CALN1: variants seen among roughly 807,000 people sequenced by gnomAD.
CALN1 encodes calcium-binding protein 8.
CALN1 carries 17 observed loss-of-function variants against 30.6 expected under a neutral mutation model. The observed-to-expected ratio is 0.56, with a 90% confidence interval of 0.38 to 0.83. The LOEUF (loss-of-function observed/expected upper bound fraction) is 0.83. Among genes scored for constraint, CALN1 ranks in the 40% least tolerant of loss-of-function variants. The pLI is 0.00. For synonymous variants in CALN1, 156 were observed against 131.4 expected (o/e 1.19, Z -1.28); for missense variants, 291 against 354.9 (o/e 0.82, Z 1.45).
intron 2 of CALN1, among the ~76,000 whole-genome samples, chr7:72,294,046 C>T (rs535338209): frequency 1.3e-5 from 2 of 151,964 alleles, no homozygotes; most frequent in South Asian, 2.1e-4. Flanking sequence ...TGTGGTGAGC[C>T]GAGACCACAC....
chr7:72,136,749 A>G (rs970504588), intron 3 of CALN1, among the ~76,000 whole-genome samples: 2 of 152,200 alleles, frequency 1.3e-5, no homozygotes, highest in African/African-American at 2.4e-5. Context: ...AGGCCACTGT[A>G]GCATTACTAA....
chr7:72,487,713 A>AAAAGAAAGAAAGAAAG, the CALN1 span, among the ~76,000 whole-genome samples: 189 of 68,670 alleles, frequency 2.8e-3, 10 homozygotes, highest in African/African-American at 0.011. Flanking sequence ...AAAAGAAAAG[A>AAAAGAAAGAAAGAAAG]AAAGAAAGAA....
intron 2 of CALN1, among the ~76,000 whole-genome samples, chr7:72,385,832 A>G (rs1275883082): frequency 6.6e-6 from 1 of 152,158 alleles, no homozygotes; most frequent in Non-Finnish European, 1.5e-5. Flanking sequence ...TTCACCTTCC[A>G]CCATGACTGT....
chr7:72,342,505 C>A (rs1802431462), intron 2 of CALN1, among the ~76,000 whole-genome samples: 1 of 152,138 alleles, frequency 6.6e-6, no homozygotes, highest in Non-Finnish European at 1.5e-5. Context: ...AGGCTAAACT[C>A]AACATGGAAC....
rs1365954412 is a variant in CALN1, at chr7:71,980,224, T to C, written c.501+43433A>G. Reference sequence around the variant, plus strand: ...TTTTTTGAGACAGAGTCTCACTCTCTTGCCCAGGCTGGAGCACAGTGGTAC... The same window carrying C: ...TTTTTTGAGACAGAGTCTCACTCTCCTGCCCAGGCTGGAGCACAGTGGTAC... On this transcript the variant is annotated intron_variant, in intron 5 of 6. Coordinates refer to ENST00000395275, the MANE Select transcript of CALN1 (RefSeq NM_031468.4). Among the ~76,000 whole-genome samples the C allele has an allele frequency of 2.0e-5, 3 of 149,630 alleles. 1 individual carries two copies. The Admixed American group carries it at 2.0e-4, about 10-fold the overall frequency.
chr7:72,240,959 G>A (rs1245623371), intron 3 of CALN1, among the ~76,000 whole-genome samples: 1 of 152,144 alleles, frequency 6.6e-6, no homozygotes, highest in African/African-American at 2.4e-5. Context: ...CCTTCCTTGA[G>A]TGCTCCCAGC....
chr7:72,487,484 G>T, the CALN1 span, among the ~76,000 whole-genome samples: 1 of 151,740 alleles, frequency 6.6e-6, no homozygotes, highest in African/African-American at 2.4e-5. Flanking sequence ...TCAGGAGTTT[G>T]AGACCAGACT....
At chr7:71,981,093 C>T (rs969370254) in intron 5 of CALN1, among the ~76,000 whole-genome samples, 2 of 152,192 alleles carry the variant, frequency 1.3e-5, no homozygotes, top group Admixed American at 6.5e-5. Flanking sequence ...GGGAATCATT[C>T]ACCGCAGTGC....
chr7:72,447,663 G>T (rs1808569232), upstream of CALN1, among the ~76,000 whole-genome samples: 1 of 151,196 alleles, frequency 6.6e-6, no homozygotes, highest in Admixed American at 6.6e-5. Context: ...ACACACACCT[G>T]CCATGCACAC....
intron 3 of CALN1, among the ~76,000 whole-genome samples, chr7:72,133,093 G>A (rs1859483): frequency 0.99 from 151,302 of 152,296 alleles, 75,161 homozygotes; most frequent in Middle Eastern, 1. Flanking sequence ...CCATGGAAAA[G>A]ATGGTCTTCC....
chr7:71,892,928 C>T (rs1793328194), intron 5 of CALN1, among the ~76,000 whole-genome samples: 1 of 152,076 alleles, frequency 6.6e-6, no homozygotes, highest in Admixed American at 6.6e-5. Flanking sequence ...TCTGCATGTC[C>T]TAGCTTTTAG....
chr7:72,095,906 G>A (rs962985697), intron 4 of CALN1, among the ~76,000 whole-genome samples: 2 of 152,078 alleles, frequency 1.3e-5, no homozygotes, highest in South Asian at 2.1e-4. Flanking sequence ...GCATGGTGAC[G>A]ACGCATGCCT....
intron 2 of CALN1, among the ~76,000 whole-genome samples, chr7:72,372,330 C>CTT (rs1280644766): frequency 6.6e-6 from 1 of 152,066 alleles, no homozygotes; most frequent in African/African-American, 2.4e-5. Flanking sequence ...ACTTCTGTTG[C>CTT]TTTTTCTGTG....
intron 5 of CALN1, among the ~76,000 whole-genome samples, chr7:71,974,093 A>G (rs1345021141): frequency 6.6e-6 from 1 of 152,140 alleles, no homozygotes; most frequent in East Asian, 1.9e-4. Context: ...CAAAATGATG[A>G]TCTTTATTAA....
intron 4 of CALN1, among the ~76,000 whole-genome samples, chr7:72,105,869 G>A (rs1205676302): frequency 7.8e-6 from 1 of 128,484 alleles, no homozygotes; most frequent in Non-Finnish European, 1.6e-5. Flanking sequence ...AGGGGGATGG[G>A]GAGGTGGGAG....
At chr7:72,144,072 G>A (rs1175670147) in intron 3 of CALN1, among the ~76,000 whole-genome samples, 1 of 152,098 alleles carries the variant, frequency 6.6e-6, no homozygotes, top group Admixed American at 6.6e-5. Context: ...ATCAACTAAC[G>A]AGCAAAATAA....
chr7:72,221,536 G>T (rs1435170661), intron 3 of CALN1, among the ~76,000 whole-genome samples: 4 of 152,024 alleles, frequency 2.6e-5, no homozygotes, highest in African/African-American at 9.7e-5. Context: ...GACAAGCAAA[G>T]ATTTGTTTTT....
rs373575015 is a variant in CALN1, at chr7:72,156,610, C to T, written c.245-50316G>A. Among the ~76,000 whole-genome samples, 32 of 152,316 alleles carry T rather than the reference C, an allele frequency of 2.1e-4. No individual in the cohort carries two copies. The East Asian group carries it at 3.3e-3, about 16-fold the overall frequency. On this transcript the variant is annotated intron_variant, in intron 3 of 6. Coordinates refer to ENST00000395275, the MANE Select transcript of CALN1 (RefSeq NM_031468.4). The stretch of plus-strand genomic sequence containing the variant: ...ATGAGTCCCCATGTCACCACCGTAG[C>T]GACCTACAGGCAGAGCTTGGTGCAG...
intron 6 of CALN1, among the ~76,000 whole-genome samples, chr7:71,789,159 G>A (rs568498280): frequency 1.3e-5 from 2 of 152,002 alleles, no homozygotes; most frequent in Non-Finnish European, 2.9e-5. Flanking sequence ...TCTCATGCCT[G>A]TAATCCCAGC....
Sources: gnomAD v4.1 joint callset for allele counts (sites outside exome capture counted in the v4.1 genomes callset) on GRCh38, gnomAD v4.1.1 for gene constraint, MANE v1.5 for transcripts, NCBI Gene and HGNC (gene_info 2026-07-23, HGNC 2026-07-21) for gene names.